TICAM2: variants seen among roughly 807,000 people sequenced by gnomAD.
The protein encoded by TICAM2 is TIR domain containing adaptor molecule 2.
TICAM2 carries 8 observed loss-of-function variants against 7.3 expected under a neutral mutation model. That is an observed-to-expected ratio of 1.10 (90% CI 0.65 to 1.99). The LOEUF (loss-of-function observed/expected upper bound fraction) is 1.99, where lower values mean the gene tolerates loss of function less well. Ranked by LOEUF, TICAM2 falls within the 30% of genes most tolerant of loss-of-function variation. The probability of loss-of-function intolerance (pLI) is 0.00; values close to 1 mark genes in which losing one functional copy is unlikely to be tolerated. For synonymous variants in TICAM2, 113 were observed against 99.6 expected (o/e 1.13, Z -0.80); for missense variants, 304 against 278.8 (o/e 1.09, Z -0.65).
At position 115,580,901 on chromosome 5, in the gene TICAM2, C is replaced by T. The variant is rs1385887813; in HGVS notation, c.356G>A (p.Arg119Lys). 1.2e-6 allele frequency: 2 copies of T among 1,613,684 alleles called. No individual in the cohort carries two copies. Among genetic ancestry groups the T allele is most frequent in the African/African-American group, 2.7e-5 (2 of 74,930 alleles). ...ATCATCTAAATTCTGTAAATGCTGT[C>T]TGCCACATGGCATCTCAGCAAAGAT... ...GIIFAEMPCG[R>K]QHLQNLDDAV... Residue 119 changes from arginine (R) to lysine (K), a missense_variant, in exon 2 of 2, where the codon AGA (arginine) becomes AAA (lysine). Physicochemically the swap from Arg to Lys is conservative, Grantham distance 26 (BLOSUM62 2). Transcript: ENST00000427199.
intron 1 of TICAM2, among the ~76,000 whole-genome samples, chr5:115,586,610 C>G (rs1387756307): frequency 1.3e-5 from 2 of 152,008 alleles, no homozygotes. Context: ...GTAGGGTGAC[C>G]GATGAATGTA....
intron 1 of TICAM2, among the ~76,000 whole-genome samples, chr5:115,583,464 G>A (rs911946562): frequency 2.6e-5 from 4 of 152,170 alleles, no homozygotes; most frequent in Admixed American, 2.6e-4. Flanking sequence ...GCAAAAAAGA[G>A]CAAAAGACTT....
chr5:115,580,365 A>G lies in TICAM2; in HGVS notation c.*184T>C. 1.3e-6 allele frequency: 1 copy of G among 757,680 alleles called. No individual in the cohort carries two copies. The highest frequency in any genetic ancestry group is 1.8e-5 in the African/African-American group (1 of 54,546). The allele number at this position is 757,680 out of a possible 1,614,324, so 46.9% of individuals were successfully genotyped here. A position where few individuals can be genotyped will look rare whatever the true frequency, so the allele number is the denominator to read the frequency against. The stretch of plus-strand genomic sequence containing the variant: ...ACTCTGACAATGTCAAGTTTACTGA[A>G]ACATCAAAAAGTACCACAATTTTAT... On this transcript the variant is annotated 3_prime_UTR_variant, in exon 2 of 2. Coordinates refer to ENST00000427199, the MANE Select transcript of TICAM2 (RefSeq NM_021649.7).
chr5:115,600,940 A>T (rs1755707008), intron 1 of TICAM2, among the ~76,000 whole-genome samples: 1 of 152,250 alleles, frequency 6.6e-6, no homozygotes, highest in Non-Finnish European at 1.5e-5. Flanking sequence ...TAAGAATAGC[A>T]TAAGGAACAA....
chr5:115,598,434 A>G (rs1329638650), intron 1 of TICAM2, among the ~76,000 whole-genome samples: 1 of 152,232 alleles, frequency 6.6e-6, no homozygotes, highest in African/African-American at 2.4e-5. Context: ...ATTCATCTTC[A>G]TCGTACCTAA....
At chr5:115,600,497 G>T (rs933940781) in intron 1 of TICAM2, among the ~76,000 whole-genome samples, 4 of 152,106 alleles carry the variant, frequency 2.6e-5, no homozygotes, top group African/African-American at 9.7e-5. Context: ...AAGATTTAGT[G>T]GTGGGGAAGC....
In TICAM2 at chr5:115,581,216, G is replaced by C; in HGVS notation, c.41C>G (p.Ser14Cys). The change falls in exon 2 of 2, where the codon TCT (serine) becomes TGT (cysteine). Residue 14 changes from serine (S) to cysteine (C), a missense_variant. By Grantham distance (112) the Ser-to-Cys change is moderately radical (BLOSUM62 -1). Coordinates refer to ENST00000427199, the MANE Select transcript of TICAM2 (RefSeq NM_021649.7). ...ACTGTGCCTTTTACCCCAAGAGAGA[G>C]AAAGAGGGCAGGAATTTATTTTAGA... The part of the protein sequence containing the change: ...GKSKINSCPL[S>C]LSWGKRHSVD... 6.2e-7 allele frequency: 1 copy of C among 1,611,568 alleles called. No homozygotes were observed. The highest frequency in any genetic ancestry group is 8.5e-7 in the Non-Finnish European group (1 of 1,179,958).
chr5:115,595,633 T>C (rs1184498318), intron 1 of TICAM2, among the ~76,000 whole-genome samples: 1 of 152,216 alleles, frequency 6.6e-6, no homozygotes, highest in Non-Finnish European at 1.5e-5. Flanking sequence ...CCCTAATGCC[T>C]TCAAGAAAAA....
In TICAM2 at chr5:115,601,583, T is replaced by C. The variant is rs548900180; in HGVS notation, c.-60+514A>G. ...ATAAATTAAAAAATAATAATAAATA[T>C]GAGAATATTTTAAAATACTTTCTTT... On this transcript the variant is annotated intron_variant, in intron 1 of 1. Transcript: ENST00000427199. 9.9e-4 allele frequency among the ~76,000 whole-genome samples: 150 copies of C among 152,238 alleles called. No homozygotes were observed. In the Middle Eastern group the frequency reaches 0.014, roughly 14 times the overall value.
chr5:115,589,394 G>C (rs1755223393), intron 1 of TICAM2, among the ~76,000 whole-genome samples: 1 of 152,132 alleles, frequency 6.6e-6, no homozygotes, highest in East Asian at 1.9e-4. Flanking sequence ...ATCCCAACTA[G>C]GGTAATAAGT....
chr5:115,591,370 C>A (rs1755294963), intron 1 of TICAM2, among the ~76,000 whole-genome samples: 1 of 152,162 alleles, frequency 6.6e-6, no homozygotes, highest in Non-Finnish European at 1.5e-5. Context: ...TCTCTGAAAT[C>A]AGATTAAAGT....
chr5:115,583,909 G>A (rs998599089), intron 1 of TICAM2, among the ~76,000 whole-genome samples: 2 of 152,202 alleles, frequency 1.3e-5, no homozygotes, highest in Admixed American at 6.5e-5. Context: ...AAAAAATTTA[G>A]GTTTCACCTC....
chr5:115,583,640 T>C (rs1256521546), intron 1 of TICAM2, among the ~76,000 whole-genome samples: 1 of 152,166 alleles, frequency 6.6e-6, no homozygotes, highest in East Asian at 1.9e-4. Flanking sequence ...GTTGTGCTGT[T>C]CCCACCACCA....
intron 1 of TICAM2, among the ~76,000 whole-genome samples, chr5:115,601,368 C>A (rs776787683): frequency 2.0e-5 from 3 of 150,836 alleles, no homozygotes; most frequent in Non-Finnish European, 4.4e-5. Flanking sequence ...GTCCCAAATG[C>A]GTCTTACCAT....
chr5:115,584,988 C>A (rs1344800886), intron 1 of TICAM2, among the ~76,000 whole-genome samples: 1 of 152,158 alleles, frequency 6.6e-6, no homozygotes, highest in African/African-American at 2.4e-5. Flanking sequence ...AAAGGAGAAT[C>A]ATAGCGTACA....
chr5:115,582,148 A>G (rs988908616), intron 1 of TICAM2, among the ~76,000 whole-genome samples: 1 of 151,794 alleles, frequency 6.6e-6, no homozygotes, highest in Non-Finnish European at 1.5e-5. Context: ...TTATTTATTT[A>G]TTCATTTATT....
chr5:115,584,537 C>T (rs1049430448), intron 1 of TICAM2, among the ~76,000 whole-genome samples: 1 of 152,120 alleles, frequency 6.6e-6, no homozygotes, highest in Non-Finnish European at 1.5e-5. Context: ...AGAACAATTC[C>T]CCCAATGGGA....
intron 1 of TICAM2, among the ~76,000 whole-genome samples, chr5:115,598,802 A>C (rs1755607135): frequency 6.6e-6 from 1 of 152,320 alleles, no homozygotes; most frequent in East Asian, 1.9e-4. Flanking sequence ...GTGATAGTAC[A>C]TACGCTACTG....
intron 1 of TICAM2, among the ~76,000 whole-genome samples, chr5:115,597,843 C>T (rs1400573569): frequency 1.3e-5 from 2 of 152,066 alleles, no homozygotes. Context: ...CATTTTTGAT[C>T]CATGTTTTGT....
Sources: allele counts gnomAD v4.1 joint callset (sites outside exome capture counted in the v4.1 genomes callset), GRCh38; gene constraint gnomAD v4.1.1; transcripts MANE v1.5; gene names NCBI Gene and HGNC (gene_info 2026-07-23, HGNC 2026-07-21).